The following GATAD2B variants were observed in gnomAD, a reference collection of about 807,000 sequenced individuals.
The protein encoded by GATAD2B is transcriptional repressor p66-beta.
GATAD2B carries 8 observed loss-of-function variants against 64.3 expected under a neutral mutation model. That is an observed-to-expected ratio of 0.12 (90% CI 0.07 to 0.22). The LOEUF is 0.22. Among genes scored for constraint, GATAD2B ranks in the 10% least tolerant of loss-of-function variants. The pLI, the probability that GATAD2B is intolerant of heterozygous loss-of-function variation, is 1.00. For missense variants in GATAD2B, 453 were observed against 752.0 expected (o/e 0.60, Z 4.65); for synonymous variants, 281 against 271.3 (o/e 1.04, Z -0.35).
intron 1 of GATAD2B, among the ~76,000 whole-genome samples, chr1:153,909,433 C>G (rs1230330093): frequency 6.6e-6 from 1 of 151,640 alleles, no homozygotes; most frequent in Non-Finnish European, 1.5e-5. Context: ...ATCTCCTGAC[C>G]TCATGATCCA....
chr1:153,820,618 T>C (rs1674644307), intron 2 of GATAD2B, among the ~76,000 whole-genome samples: 1 of 152,060 alleles, frequency 6.6e-6, no homozygotes, highest in Non-Finnish European at 1.5e-5. Flanking sequence ...CGAGGGCAAT[T>C]GTTCTTTGGT....
intron 1 of GATAD2B, chr1:153,889,583 T>C (rs1677303784): frequency 5.2e-6 from 1 of 192,058 alleles, no homozygotes; most frequent in Non-Finnish European, 9.6e-6. Context: ...CCCCTCATAA[T>C]TACACTAATG....
At chr1:153,903,155 T>C (rs906003720) in intron 1 of GATAD2B, among the ~76,000 whole-genome samples, 2 of 151,768 alleles carry the variant, frequency 1.3e-5, no homozygotes, top group African/African-American at 4.8e-5. Context: ...GAGGCGGAGC[T>C]TGCAGTGAAC....
At chr1:153,921,961 T>C (rs1400348158) in intron 1 of GATAD2B, 1 of 151,894 alleles carries the variant, frequency 6.6e-6, no homozygotes, top group Non-Finnish European at 1.5e-5. Flanking sequence ...TAAGTCCCGG[T>C]GTGGTTAGGG....
chr1:153,859,907 CTTTTTTTTTTTTTT>C (rs34557576), intron 1 of GATAD2B, among the ~76,000 whole-genome samples: 2 of 60,876 alleles, frequency 3.3e-5, no homozygotes, highest in Non-Finnish European at 5.7e-5. Flanking sequence ...CTTTTCTTTT[CTTTTTTTTTTTTTT>C]TTTTTTTTTT....
intron 1 of GATAD2B, among the ~76,000 whole-genome samples, chr1:153,913,916 T>TC (rs1678177263): frequency 2.4e-5 from 2 of 83,562 alleles, no homozygotes; most frequent in Admixed American, 1.6e-4. Context: ...CAAGACTCTG[T>TC]CAAAAAAAAA....
intron 1 of GATAD2B, among the ~76,000 whole-genome samples, chr1:153,844,730 C>T (rs12128138): frequency 0.71 from 93,214 of 130,586 alleles, 34,470 homozygotes; most frequent in Non-Finnish European, 0.82. Context: ...CATGGACACA[C>T]GAAAGGGAAT....
chr1:153,894,105 T>C (rs1677506339), intron 1 of GATAD2B, among the ~76,000 whole-genome samples: 1 of 151,830 alleles, frequency 6.6e-6, no homozygotes, highest in African/African-American at 2.4e-5. Context: ...ACACAAATAC[T>C]ACCAGAGGAA....
chr1:153,872,374 A>AACT (rs1676700264), intron 1 of GATAD2B, among the ~76,000 whole-genome samples: 1 of 151,548 alleles, frequency 6.6e-6, no homozygotes, highest in South Asian at 2.1e-4. Context: ...AGCAAATGTG[A>AACT]ACTCTGAAAC....
At position 153,816,103 on chromosome 1, in the gene GATAD2B, CCGCTTCTA is replaced by C. The variant is rs1674473483; in HGVS notation, c.1216+162_1216+169del. ...ACACACACACACACACACACACACT[CCGCTTCTA>C]ACATGTTGCTCCCAAACAGCTGTAA... is the stretch of plus-strand genomic sequence containing the variant. On this transcript the variant is annotated intron_variant, in intron 7 of 10. Transcript: ENST00000368655. This position sits in a 1 kb window ranked among gnomAD's most constrained non-coding sequence, Gnocchi z 4.9. Among the ~76,000 whole-genome samples the C allele has an allele frequency of 6.6e-6, 1 of 150,644 alleles. No individual in the cohort carries two copies. Among genetic ancestry groups the C allele is most frequent in the Non-Finnish European group, 1.5e-5 (1 of 67,516 alleles).
rs1415776981 is a variant in GATAD2B at position 153,806,033 on chromosome 1, C to CT, written c.*4143dup. ...AATCCACCCTCAAAGGCCCATAAGA[C>CT]TAGGTTCTTTCTTTTTTGAGGAGGT... On this transcript the variant is annotated 3_prime_UTR_variant, in exon 11 of 11. Transcript: ENST00000368655. 1.3e-5 allele frequency: 2 copies of CT among 152,190 alleles called. No homozygotes were observed. Among genetic ancestry groups the CT allele is most frequent in the Non-Finnish European group, 2.9e-5 (2 of 68,048 alleles). 9.4% of individuals were successfully genotyped at this position (152,190 alleles called of 1,614,324 possible).
intron 7 of GATAD2B, among the ~76,000 whole-genome samples, chr1:153,815,293 C>CAAAAAAAAAAAAAAAAAAAAAAAAAAAAA: frequency 8.9e-6 from 1 of 111,844 alleles, no homozygotes; most frequent in Middle Eastern, 5.7e-3. Context: ...AAAAAAAAAA[C>CAAAAAAAAAAAAAAAAAAAAAAAAAAAAA]AAAAAAAAAA....
intron 1 of GATAD2B, among the ~76,000 whole-genome samples, chr1:153,832,098 C>A (rs994407756): frequency 1.1e-4 from 17 of 152,034 alleles, no homozygotes; most frequent in African/African-American, 3.6e-4. Flanking sequence ...GCCTGTAATC[C>A]CAGCTATTTG....
At chr1:153,813,805 G>A (rs1264254029) in intron 7 of GATAD2B, among the ~76,000 whole-genome samples, 3 of 152,092 alleles carry the variant, frequency 2.0e-5, no homozygotes, top group Non-Finnish European at 2.9e-5. Context: ...GTGAAAACCC[G>A]TCTTTACTAA....
At chr1:153,851,037 G>A (rs1227018557) in intron 1 of GATAD2B, among the ~76,000 whole-genome samples, 3 of 151,820 alleles carry the variant, frequency 2.0e-5, no homozygotes, top group South Asian at 2.1e-4. Context: ...GTACAGTGTT[G>A]TATGGCAGAT....
chr1:153,842,048 T>A (rs1028438748), intron 1 of GATAD2B, among the ~76,000 whole-genome samples: 1 of 152,012 alleles, frequency 6.6e-6, no homozygotes, highest in East Asian at 1.9e-4. Context: ...ATCTTAACAA[T>A]CTGCAGCCTC....
chr1:153,856,995 T>TCA (rs1409169074), intron 1 of GATAD2B, among the ~76,000 whole-genome samples: 1 of 152,030 alleles, frequency 6.6e-6, no homozygotes, highest in Non-Finnish European at 1.5e-5. Flanking sequence ...ATGTTAATCA[T>TCA]CACAGCCCTA....
rs759129859 is a variant in GATAD2B, at chr1:153,881,074, C to T, written c.-2+41659G>A. On this transcript the variant is annotated intron_variant, in intron 1 of 10. Coordinates refer to ENST00000368655, the MANE Select transcript of GATAD2B (RefSeq NM_020699.4). ...CATCAGCCCAAGCAAGCAGAGATGA[C>T]GCAGACTTCCTTATATAATGGCCTG... Among the ~76,000 whole-genome samples the T allele has an allele frequency of 3.3e-5, 5 of 152,090 alleles. No homozygotes were observed. In the East Asian group the frequency reaches 5.8e-4, roughly 18 times the overall value.
At chr1:153,811,337 A>C (rs1674285948) in intron 10 of GATAD2B, among the ~76,000 whole-genome samples, 1 of 152,228 alleles carries the variant, frequency 6.6e-6, no homozygotes, top group Non-Finnish European at 1.5e-5. Context: ...GGTGAGAGGA[A>C]GATGAATAAG....
Sources: allele counts gnomAD v4.1 joint callset (sites outside exome capture counted in the v4.1 genomes callset), GRCh38; gene constraint gnomAD v4.1.1; non-coding constraint Gnocchi (gnomAD v3.1); transcripts MANE v1.5; gene names NCBI Gene and HGNC (gene_info 2026-07-23, HGNC 2026-07-21).